Variants in MZT1 observed in about 807,000 individuals in gnomAD.
The protein encoded by MZT1 is mitotic-spindle organizing protein 1.
A neutral mutation model predicts 8.5 loss-of-function variants in MZT1; 8 were observed. The observed-to-expected ratio is 0.94, with a 90% CI of 0.55 to 1.70. The LOEUF (loss-of-function observed/expected upper bound fraction) is 1.70. Among genes scored for constraint, MZT1 ranks in the 40% most tolerant of loss-of-function variants. The pLI is 0.00. For synonymous variants in MZT1, 38 were observed against 42.0 expected (o/e 0.90, Z 0.37); for missense variants, 93 against 108.6 (o/e 0.86, Z 0.64).
intron 1 of MZT1, among the ~76,000 whole-genome samples, chr13:72,719,365 C>G (rs1193822744): frequency 6.6e-6 from 1 of 152,134 alleles, no homozygotes; most frequent in Non-Finnish European, 1.5e-5. Flanking sequence ...TAACATGTAT[C>G]CACCATACTT....
At chr13:72,714,918 T>C (rs2032520084) in intron 2 of MZT1, among the ~76,000 whole-genome samples, 1 of 152,148 alleles carries the variant, frequency 6.6e-6, no homozygotes. Flanking sequence ...AGGGGAAATA[T>C]GGGGTTGGAG....
At chr13:72,725,929 C>T (rs994669085) in intron 1 of MZT1, among the ~76,000 whole-genome samples, 1 of 151,864 alleles carries the variant, frequency 6.6e-6, no homozygotes, top group African/African-American at 2.4e-5. Flanking sequence ...ATACATAAAT[C>T]CACTTACAAA....
intron 1 of MZT1, among the ~76,000 whole-genome samples, chr13:72,727,066 G>T (rs1427401675): frequency 6.6e-6 from 1 of 152,256 alleles, no homozygotes; most frequent in African/African-American, 2.4e-5. Context: ...GAGGCATAGC[G>T]GTGACCAAAC....
At chr13:72,713,625 C>G (rs2032508213) in intron 2 of MZT1, among the ~76,000 whole-genome samples, 1 of 152,138 alleles carries the variant, frequency 6.6e-6, no homozygotes, top group Non-Finnish European at 1.5e-5. Flanking sequence ...AACCATCCTT[C>G]CCCCTGTTCC....
At chr13:72,716,653 T>C (rs969421890) in intron 2 of MZT1, among the ~76,000 whole-genome samples, 3 of 152,192 alleles carry the variant, frequency 2.0e-5, no homozygotes, top group South Asian at 2.1e-4. Flanking sequence ...TGGACAAGTT[T>C]TAAGATGAAC....
Position 72,724,059 on chromosome 13 carries a change from A to G in MZT1, c.79+3465T>C, listed in dbSNP as rs115766717. On this transcript the variant is annotated intron_variant, in intron 1 of 2. Transcript: ENST00000377818. ...AAACAGCTTGTGTGATGGTCCCTAC[A>G]CTAGAGGGAACTTGGTAAATTCAGA... Among the ~76,000 whole-genome samples, 222 of 152,344 alleles carry G rather than the reference A, an allele frequency of 1.5e-3. 1 individual carries two copies. Among genetic ancestry groups the G allele is most frequent in the African/African-American group, 5.2e-3 (216 of 41,580 alleles).
Position 72,719,086 on chromosome 13 carries a change from T to G in MZT1, c.91A>C (p.Ile31Leu). 1 of 1,516,022 alleles carries G rather than the reference T, an allele frequency of 6.6e-7. No individual in the cohort carries two copies. 93.9% of individuals were successfully genotyped at this position (1,516,022 alleles called of 1,614,324 possible). ...VRETMDVLLE[I>L]SRILNTGLDM... ...AAGCCAGTATTCAAAATTCTTGAAA[T>G]CTCAAGCAGAACTGAAAAAAGATAC... Residue 31 changes from isoleucine (I) to leucine (L), a missense_variant, in exon 2 of 3, where the codon ATT becomes CTT. Coordinates refer to ENST00000377818, the MANE Select transcript of MZT1 (RefSeq NM_001071775.3).
chr13:72,724,452 T>C (rs1315091951), intron 1 of MZT1, among the ~76,000 whole-genome samples: 1 of 151,288 alleles, frequency 6.6e-6, no homozygotes, highest in Non-Finnish European at 1.5e-5. Context: ...GGTGGTAGCA[T>C]GGACTGTTTC....
Position 72,708,405 on chromosome 13 carries a change from G to A in MZT1, c.*1917C>T, listed in dbSNP as rs1210245401. On this transcript the variant is annotated 3_prime_UTR_variant, in exon 3 of 3. Coordinates refer to ENST00000377818, the MANE Select transcript of MZT1 (RefSeq NM_001071775.3). Reference sequence around the variant, plus strand: ...GTTTTATTTTTGTCATTGACAACAAGCACAACACTGCAATTGTATCATTAT... The same window carrying A: ...GTTTTATTTTTGTCATTGACAACAAACACAACACTGCAATTGTATCATTAT... The A allele has an allele frequency of 1.3e-5, 2 of 152,498 alleles. No individual in the cohort carries two copies. The highest frequency in any genetic ancestry group is 4.8e-5 in the African/African-American group (2 of 41,394). 9.4% of individuals were successfully genotyped at this position (152,498 alleles called of 1,614,324 possible). A position where few individuals can be genotyped will look rare whatever the true frequency, so the allele number is the denominator to read the frequency against.
intron 1 of MZT1, among the ~76,000 whole-genome samples, chr13:72,722,681 T>G (rs1246261992): frequency 6.6e-6 from 1 of 152,116 alleles, no homozygotes; most frequent in Non-Finnish European, 1.5e-5. Flanking sequence ...AATGGCACAT[T>G]TCTGACTCCC....
chr13:72,725,180 A>C (rs1008342664), intron 1 of MZT1, among the ~76,000 whole-genome samples: 1 of 152,190 alleles, frequency 6.6e-6, no homozygotes, highest in African/African-American at 2.4e-5. Context: ...ATCAATAGAG[A>C]GTACCTAACA....
chr13:72,722,020 T>C (rs533107691), intron 1 of MZT1, among the ~76,000 whole-genome samples: 1 of 152,372 alleles, frequency 6.6e-6, no homozygotes, highest in African/African-American at 2.4e-5. Flanking sequence ...AACACTTGTT[T>C]TATAACTAAA....
At chr13:72,714,454 A>G (rs562719480) in intron 2 of MZT1, among the ~76,000 whole-genome samples, 1 of 152,254 alleles carries the variant, frequency 6.6e-6, no homozygotes, top group South Asian at 2.1e-4. Context: ...CAAAGCAACC[A>G]CTTGCTAGAG....
In MZT1 at chr13:72,709,509, T is replaced by C. The variant is rs527531007; in HGVS notation, c.*813A>G. 3 of 152,210 alleles carry C rather than the reference T, an allele frequency of 2.0e-5. No individual in the cohort carries two copies. The highest frequency in any genetic ancestry group is 4.1e-4 in the South Asian group (2 of 4,832). The allele number at this position is 152,210 out of a possible 1,614,324, so 9.4% of individuals were successfully genotyped here. A position where few individuals can be genotyped will look rare whatever the true frequency, so the allele number is the denominator to read the frequency against. On this transcript the variant is annotated 3_prime_UTR_variant, in exon 3 of 3. Transcript: ENST00000377818. ...ATTTTGCATGTTTGTTGTTTCATTT[T>C]ACAAATTTTTTTATTCCGTTATTTA...
chr13:72,714,711 C>T (rs938571309), intron 2 of MZT1, among the ~76,000 whole-genome samples: 4 of 152,232 alleles, frequency 2.6e-5, no homozygotes, highest in Non-Finnish European at 4.4e-5. Flanking sequence ...GCTTGGGACA[C>T]GGCTTCAGAG....
rs2032467271 is a variant in MZT1 at position 72,709,623 on chromosome 13, T to C, written c.*699A>G. 2 of 152,048 alleles carry C rather than the reference T, an allele frequency of 1.3e-5. No homozygotes were observed. Among genetic ancestry groups the C allele is most frequent in the Admixed American group, 6.6e-5 (1 of 15,266 alleles). The allele number at this position is 152,048 out of a possible 1,614,324, so 9.4% of individuals were successfully genotyped here. ...ATTACAAATAATACTAACCTAAGCA[T>C]TGTCATTACTTTTAAAATCCAAGTT... On this transcript the variant is annotated 3_prime_UTR_variant, in exon 3 of 3. Transcript: ENST00000377818.
Position 72,724,701 on chromosome 13 carries a change from AATATATATATATATATACATATATAT to A in MZT1, c.79+2797_79+2822del, listed in dbSNP as rs1400575371. 4.3e-4 allele frequency among the ~76,000 whole-genome samples: 14 copies of A among 32,642 alleles called. 2 individuals carry two copies. Among genetic ancestry groups the A allele is most frequent in the African/African-American group, 7.6e-4 (14 of 18,318 alleles). 21.4% of individuals were successfully genotyped at this position (32,642 alleles called of 152,430 possible). A position where few individuals can be genotyped will look rare whatever the true frequency, so the allele number is the denominator to read the frequency against. ...TTACAGGCACCCGTACTTACTACTA[AATATATATATATATATACATATATAT>A]ATATATATATATACACATATATATA... On this transcript the variant is annotated intron_variant, in intron 1 of 2. Transcript: ENST00000377818.
chr13:72,721,211 TGATCCTTTCGGATATTACTTCTTA>T (rs1346937248), intron 1 of MZT1, among the ~76,000 whole-genome samples: 2 of 152,256 alleles, frequency 1.3e-5, no homozygotes, highest in Admixed American at 1.3e-4. Context: ...GGAAATGGTT[TGATCCTTTCGGATATTACTTCTTA>T]GATCTGTTAG....
chr13:72,718,620 G>A (rs1331777115), intron 2 of MZT1, among the ~76,000 whole-genome samples: 1 of 151,958 alleles, frequency 6.6e-6, no homozygotes, highest in Non-Finnish European at 1.5e-5. Flanking sequence ...TGGGACTACA[G>A]GTGCCCACCA....
Sources: allele counts gnomAD v4.1 joint callset (sites outside exome capture counted in the v4.1 genomes callset), GRCh38; gene constraint gnomAD v4.1.1; transcripts MANE v1.5; gene names NCBI Gene and HGNC (gene_info 2026-07-23, HGNC 2026-07-21).